CDK8: variants seen among roughly 807,000 people sequenced by gnomAD.
The protein encoded by CDK8 is cyclin-dependent kinase 8.
Under a neutral mutation model 71.5 loss-of-function variants are expected in CDK8, and 29 were observed. That is an observed-to-expected ratio of 0.41 (90% CI 0.30 to 0.55). The LOEUF (loss-of-function observed/expected upper bound fraction) is 0.55. Ranked by LOEUF, CDK8 falls within the 20% of genes least tolerant of loss-of-function variation. The pLI, the probability that CDK8 is intolerant of heterozygous loss-of-function variation, is 0.37. For missense variants in CDK8, 288 were observed against 572.6 expected (o/e 0.50, Z 5.07); for synonymous variants, 161 against 192.1 (o/e 0.84, Z 1.34).
intron 1 of CDK8, among the ~76,000 whole-genome samples, chr13:26,257,555 G>C (rs1356750316): frequency 1.3e-5 from 2 of 152,146 alleles, no homozygotes; most frequent in Non-Finnish European, 2.9e-5. Flanking sequence ...ATGAGATAGT[G>C]TCCTTTGTGT....
Position 26,385,208 on chromosome 13 carries a change from C to A in CDK8, c.515-3C>A. 2 of 1,588,614 alleles carry A rather than the reference C, an allele frequency of 1.3e-6. No individual in the cohort carries two copies. The highest frequency in any genetic ancestry group is 8.5e-7 in the Non-Finnish European group (1 of 1,171,082). ...GCATGATTTTTTTTTTATTATTTTACAGCTGACATGGGCTTTGCCCGATTA... is the reference window on the plus strand; with the variant it reads ...GCATGATTTTTTTTTTATTATTTTAAAGCTGACATGGGCTTTGCCCGATTA... On this transcript the variant is annotated splice_region_variant and splice_polypyrimidine_tract_variant and intron_variant, in intron 5 of 12. Coordinates refer to ENST00000381527, the MANE Select transcript of CDK8 (RefSeq NM_001260.3).
intron 6 of CDK8, among the ~76,000 whole-genome samples, chr13:26,388,395 T>G (rs1185993833): frequency 6.6e-6 from 1 of 152,232 alleles, no homozygotes; most frequent in Non-Finnish European, 1.5e-5. Flanking sequence ...GTATCTTCTT[T>G]GCAAGTGTAC....
At chr13:26,270,047 A>G (rs1342508390) in intron 1 of CDK8, among the ~76,000 whole-genome samples, 3 of 152,070 alleles carry the variant, frequency 2.0e-5, no homozygotes, top group African/African-American at 7.2e-5. Context: ...TTTTCTTAAT[A>G]TGGCTTTTTT....
At chr13:26,334,788 G>A (rs551439810) in intron 1 of CDK8, among the ~76,000 whole-genome samples, 2 of 152,038 alleles carry the variant, frequency 1.3e-5, no homozygotes, top group Admixed American at 6.6e-5. Context: ...TCTTACTACC[G>A]AAGTCTCCAG....
chr13:26,313,070 C>T (rs1254536860), intron 1 of CDK8, among the ~76,000 whole-genome samples: 5 of 152,170 alleles, frequency 3.3e-5, no homozygotes, highest in African/African-American at 1.2e-4. Context: ...ACCTTCCATC[C>T]AGTTAACTCC....
chr13:26,347,503 A>T (rs1873508626), intron 2 of CDK8, among the ~76,000 whole-genome samples: 1 of 152,244 alleles, frequency 6.6e-6, no homozygotes, highest in African/African-American at 2.4e-5. Context: ...GACAACTTGC[A>T]GAATGGGAGA....
At chr13:26,340,644 C>G (rs2137978711) in intron 2 of CDK8, among the ~76,000 whole-genome samples, 1 of 152,222 alleles carries the variant, frequency 6.6e-6, no homozygotes, top group East Asian at 1.9e-4. Flanking sequence ...TTGTGCGTCC[C>G]CAGCATTCAC....
At chr13:26,345,424 C>T (rs916880502) in intron 2 of CDK8, among the ~76,000 whole-genome samples, 3 of 152,158 alleles carry the variant, frequency 2.0e-5, no homozygotes, top group Non-Finnish European at 4.4e-5. Flanking sequence ...CTCTGTCACC[C>T]AGGCTAGAGT....
At chr13:26,323,883 G>T (rs1013461636) in intron 1 of CDK8, among the ~76,000 whole-genome samples, 6 of 152,076 alleles carry the variant, frequency 3.9e-5, no homozygotes, top group Admixed American at 1.3e-4. Flanking sequence ...GCAGCTATAT[G>T]AAACCTTTCC....
At chr13:26,331,216 A>G (rs1264352577) in intron 1 of CDK8, among the ~76,000 whole-genome samples, 1 of 152,004 alleles carries the variant, frequency 6.6e-6, no homozygotes, top group African/African-American at 2.4e-5. Flanking sequence ...CATTTTTTTC[A>G]TATACCTGTT....
At chr13:26,360,990 G>A (rs956322679) in intron 4 of CDK8, among the ~76,000 whole-genome samples, 34 of 152,120 alleles carry the variant, frequency 2.2e-4, no homozygotes, top group African/African-American at 8.2e-4. Flanking sequence ...TTGACCTATT[G>A]ATCTCTTTTA....
intron 2 of CDK8, among the ~76,000 whole-genome samples, chr13:26,340,378 A>G (rs1398572619): frequency 6.6e-6 from 1 of 152,196 alleles, no homozygotes; most frequent in Non-Finnish European, 1.5e-5. Context: ...TGAAATATTT[A>G]TAGGTGAAAT....
intron 1 of CDK8, among the ~76,000 whole-genome samples, chr13:26,329,595 C>T (rs1010499701): frequency 1.3e-5 from 2 of 151,488 alleles, no homozygotes. Context: ...CTCCGCCTCC[C>T]GGGTTCAAGT....
At chr13:26,316,264 G>A (rs1328430582) in intron 1 of CDK8, among the ~76,000 whole-genome samples, 1 of 152,178 alleles carries the variant, frequency 6.6e-6, no homozygotes, top group African/African-American at 2.4e-5. Flanking sequence ...GGAGACTGAG[G>A]TGGGAGGATC....
rs186361313 is a variant in CDK8, at chr13:26,271,107, T to G, written c.128+16338T>G. Reference sequence around the variant, plus strand: ...TTTTTATGTGCTTATTGACCATTCATGTATCTTTGTGGGAAAATATATTCA... The same window carrying G: ...TTTTTATGTGCTTATTGACCATTCAGGTATCTTTGTGGGAAAATATATTCA... On this transcript the variant is annotated intron_variant, in intron 1 of 12. Transcript: ENST00000381527. Among the ~76,000 whole-genome samples, 30 of 152,376 alleles carry G rather than the reference T, an allele frequency of 2.0e-4. No homozygotes were observed. The East Asian group carries it at 5.6e-3, about 28-fold the overall frequency.
intron 1 of CDK8, chr13:26,324,880 TA>T: frequency 2.3e-6 from 1 of 440,408 alleles, no homozygotes; most frequent in Non-Finnish European, 3.0e-6. Context: ...TGTAATTTTA[TA>T]ACTGAAACAG....
chr13:26,374,620 A>G (rs909873237), intron 4 of CDK8, among the ~76,000 whole-genome samples: 4 of 145,908 alleles, frequency 2.7e-5, no homozygotes, highest in Non-Finnish European at 4.4e-5. Context: ...TACTATCTAG[A>G]ATATAATCAA....
chr13:26,326,333 A>G (rs192869565), intron 1 of CDK8, among the ~76,000 whole-genome samples: 3 of 152,328 alleles, frequency 2.0e-5, no homozygotes, highest in East Asian at 1.9e-4. Flanking sequence ...ACTCATACAG[A>G]CAGTGACTAG....
chr13:26,334,151 T>C (rs1362727250), intron 1 of CDK8, among the ~76,000 whole-genome samples: 1 of 152,160 alleles, frequency 6.6e-6, no homozygotes, highest in Admixed American at 6.5e-5. Context: ...AGAAGACTGA[T>C]TGAATATTAG....
Sources: gnomAD v4.1 joint callset for allele counts (sites outside exome capture counted in the v4.1 genomes callset) on GRCh38, gnomAD v4.1.1 for gene constraint, MANE v1.5 for transcripts, NCBI Gene and HGNC (gene_info 2026-07-23, HGNC 2026-07-21) for gene names.